The following THAP8 variants were observed in gnomAD, a reference collection of about 807,000 sequenced individuals.
The protein encoded by THAP8 is THAP domain-containing protein 8.
A neutral mutation model predicts 25.0 loss-of-function variants in THAP8; 24 were observed. The observed-to-expected ratio is 0.96, with a 90% confidence interval of 0.69 to 1.35. THAP8 has a LOEUF of 1.35. Ranked by LOEUF, THAP8 falls within the 40% of genes most tolerant of loss-of-function variation. The pLI is 0.00. For missense variants in THAP8, 399 were observed against 368.8 expected (o/e 1.08, Z -0.67); for synonymous variants, 169 against 157.6 (o/e 1.07, Z -0.54).
chr19:36,040,712 T>C (rs1005104518), intron 1 of THAP8, among the ~76,000 whole-genome samples: 1 of 152,060 alleles, frequency 6.6e-6, no homozygotes, highest in Admixed American at 6.6e-5. Flanking sequence ...TGCCCCTCCT[T>C]CCAGCCTCCT....
In THAP8 at chr19:36,054,205, A is replaced by G; in HGVS notation, c.13T>C (p.Cys5Arg). The G allele has an allele frequency of 1.2e-6, 2 of 1,613,740 alleles. No individual in the cohort carries two copies. Among genetic ancestry groups the G allele is most frequent in the Non-Finnish European group, 1.7e-6 (2 of 1,179,868 alleles). Residue 5 changes from cysteine to arginine, a missense_variant, in exon 1 of 4, where the codon TGC (cysteine) becomes CGC (arginine). Cys to Arg is a radical substitution (Grantham distance 180). Coordinates refer to ENST00000292894, the MANE Select transcript of THAP8 (RefSeq NM_152658.3). ...GTGTTGGAGCAGTTCGGCGCCCTGC[A>G]GTACTTGGGCATGGCTATCCAGCCC... Reference protein sequence around the residue: MPKYCRAPNCSNTAG... With the variant: MPKYRRAPNCSNTAG...
Position 36,035,466 on chromosome 19 carries a change from G to A in THAP8, c.799C>T (p.Leu267=), listed in dbSNP as rs757064481. Residue 267 remains leucine, a synonymous_variant, in exon 4 of 4, where the codon CTG becomes TTG. Coordinates refer to ENST00000292894, the MANE Select transcript of THAP8 (RefSeq NM_152658.3). The stretch of plus-strand genomic sequence containing the variant: ...TATGCACTGGGGATCCGAGTGTCCA[G>A]GAGCTCCGGCTTGGCATCCACTGTG... ...PATVDAKPEL[L]DTRIPSA 1.2e-6 allele frequency: 2 copies of A among 1,614,136 alleles called. No individual in the cohort carries two copies. Among genetic ancestry groups the A allele is most frequent in the South Asian group, 2.2e-5 (2 of 91,086 alleles).
At chr19:36,041,183 A>C (rs555568464) in intron 1 of THAP8, among the ~76,000 whole-genome samples, 1 of 151,820 alleles carries the variant, frequency 6.6e-6, no homozygotes, top group South Asian at 2.1e-4. Context: ...ATGGTGGTAC[A>C]TGCCTGTAGT....
chr19:36,038,776 G>A (rs761913967), intron 3 of THAP8, among the ~76,000 whole-genome samples: 2 of 151,946 alleles, frequency 1.3e-5, no homozygotes, highest in African/African-American at 2.4e-5. Context: ...GCTTGAACCT[G>A]GGAGGCAGAG....
chr19:36,053,940 G>T (rs1430058923), intron 1 of THAP8, among the ~76,000 whole-genome samples, 195 bp downstream of exon 1: 1 of 152,038 alleles, frequency 6.6e-6, no homozygotes, highest in Non-Finnish European at 1.5e-5. Context: ...GTAGTCAATC[G>T]TCTACTCCTG....
intron 1 of THAP8, among the ~76,000 whole-genome samples, chr19:36,046,626 C>G (rs1323687858): frequency 6.6e-6 from 1 of 152,200 alleles, no homozygotes; most frequent in Non-Finnish European, 1.5e-5. Flanking sequence ...GTCAGCCTCC[C>G]TCTAAGATCC....
upstream of THAP8, chr19:36,054,603 G>A: frequency 1.8e-6 from 1 of 541,106 alleles, no homozygotes; most frequent in Non-Finnish European, 3.3e-6. Context: ...AACCGTTGGG[G>A]CGCACATAGT....
chr19:36,054,175 C>G lies in THAP8; in HGVS notation c.43G>C (p.Gly15Arg). 6.2e-7 allele frequency: 1 copy of G among 1,613,860 alleles called. No homozygotes were observed. The highest frequency in any genetic ancestry group is 8.5e-7 in the Non-Finnish European group (1 of 1,179,956). ...GGGCGGTTGTCTGCACCCAGGCGGCCCGCAGTGTTGGAGCAGTTCGGCGCC... is the reference window on the plus strand; with the variant it reads ...GGGCGGTTGTCTGCACCCAGGCGGCGCGCAGTGTTGGAGCAGTTCGGCGCC... ...CRAPNCSNTAGRLGADNRPVS... is the reference protein window; with the variant it reads ...CRAPNCSNTARRLGADNRPVS... The change falls in exon 1 of 4, where the codon GGC (glycine) becomes CGC (arginine). Residue 15 changes from glycine to arginine, a missense_variant. Physicochemically the swap from Gly to Arg is moderately radical, Grantham distance 125. Transcript: ENST00000292894.
At chr19:36,038,732 TC>T (rs1171651808) in intron 3 of THAP8, among the ~76,000 whole-genome samples, 1 of 151,736 alleles carries the variant, frequency 6.6e-6, no homozygotes, top group Non-Finnish European at 1.5e-5. Context: ...GCACCTGTAG[TC>T]CCAGCTACTT....
At chr19:36,035,724 A>C in intron 3 of THAP8, 132 bp from the exon 4 acceptor site, 1 of 1,015,806 alleles carries the variant, frequency 9.8e-7, no homozygotes, top group East Asian at 2.5e-5. Flanking sequence ...AGATGTGGGG[A>C]GAGATATGAG....
chr19:36,044,238 G>C lies in THAP8; in HGVS notation c.84-4102C>G, dbSNP rs112815466. On this transcript the variant is annotated intron_variant, in intron 1 of 3. Coordinates refer to ENST00000292894, the MANE Select transcript of THAP8 (RefSeq NM_152658.3). ...GGGGATAGTTTGTTATATAGCATTAGATAACTAAGACACATCTCATGCATA... is the reference window on the plus strand; with the variant it reads ...GGGGATAGTTTGTTATATAGCATTACATAACTAAGACACATCTCATGCATA... 1.3e-3 allele frequency among the ~76,000 whole-genome samples: 197 copies of C among 152,234 alleles called. 1 individual carries two copies. The highest frequency in any genetic ancestry group is 4.6e-3 in the African/African-American group (193 of 41,554).
At chr19:36,045,607 A>C (rs1173400519) in intron 1 of THAP8, 9 of 399,256 alleles carry the variant, frequency 2.3e-5, no homozygotes, top group African/African-American at 6.2e-5. Context: ...TGATTAAGTT[A>C]AGGATCTTGA....
At chr19:36,054,608 C>G (rs889055882), upstream of THAP8, 2 of 542,460 alleles carry the variant, frequency 3.7e-6, no homozygotes, top group Non-Finnish European at 6.6e-6. Context: ...TTGGGGCGCA[C>G]ATAGTTCCTC....
At position 36,035,588 on chromosome 19, in the gene THAP8, G is replaced by C. The variant is rs754514333; in HGVS notation, c.677C>G (p.Thr226Arg). 1 of 1,613,102 alleles carries C rather than the reference G, an allele frequency of 6.2e-7. No individual in the cohort carries two copies. Among genetic ancestry groups the C allele is most frequent in the Non-Finnish European group, 8.5e-7 (1 of 1,179,444 alleles). Reference sequence around the variant, plus strand: ...TTCCTCAGGTCCAAGGGTCTGGGCTGTTGTCTAAGGCAAAGAAGTGGTAGA... The same window carrying C: ...TTCCTCAGGTCCAAGGGTCTGGGCTCTTGTCTAAGGCAAAGAAGTGGTAGA... ...RARRGLQRLT[T>R]AQTLGPEESQ... Residue 226 changes from threonine (T) to arginine (R), a missense_variant, in exon 4 of 4, where the codon ACA becomes AGA. By Grantham distance (71) the Thr-to-Arg change is moderately conservative (BLOSUM62 -1). Transcript: ENST00000292894.
At chr19:36,040,907 ACAT>A (rs1172425065) in intron 1 of THAP8, among the ~76,000 whole-genome samples, 11 of 152,288 alleles carry the variant, frequency 7.2e-5, no homozygotes, top group African/African-American at 2.2e-4. Context: ...GATTTAAGAA[ACAT>A]CAGCACAAAC....
At position 36,054,234 on chromosome 19, in the gene THAP8, C is replaced by G; in HGVS notation, c.-17G>C. 6.2e-7 allele frequency: 1 copy of G among 1,611,634 alleles called. No homozygotes were observed. Among genetic ancestry groups the G allele is most frequent in the Non-Finnish European group, 8.5e-7 (1 of 1,178,970 alleles). ...CTTGGGCATGGCTATCCAGCCCCCG[C>G]TGAGTTTTGCCGGGTCAGCGGCTGC... On this transcript the variant is annotated 5_prime_UTR_variant, in exon 1 of 4. Transcript: ENST00000292894.
chr19:36,041,674 G>A, intron 1 of THAP8, among the ~76,000 whole-genome samples: 1 of 152,134 alleles, frequency 6.6e-6, no homozygotes, highest in Non-Finnish European at 1.5e-5. Flanking sequence ...ACATACAAAT[G>A]GCCAATAAGC....
chr19:36,045,353 C>A (rs1219296406), intron 1 of THAP8, among the ~76,000 whole-genome samples: 1 of 151,282 alleles, frequency 6.6e-6, no homozygotes, highest in African/African-American at 2.4e-5. Flanking sequence ...CCTGCAGCAT[C>A]AAACTCCCCA....
rs191334355 is a variant in THAP8, at chr19:36,038,486, C to T, written c.672+837G>A. Among the ~76,000 whole-genome samples the T allele has an allele frequency of 1.1e-3, 164 of 152,250 alleles. 2 individuals carry two copies. Among genetic ancestry groups the T allele is most frequent in the Middle Eastern group, 0.01 (3 of 292 alleles). On this transcript the variant is annotated intron_variant, in intron 3 of 3. Transcript: ENST00000292894. ...CAGGCTGGTCTTGAACTCCTAGGTT[C>T]AAGCGATCTGCCCACCTTGGCCTCC...
Sources: allele counts gnomAD v4.1 joint callset (sites outside exome capture counted in the v4.1 genomes callset), GRCh38; gene constraint gnomAD v4.1.1; transcripts MANE v1.5; gene names NCBI Gene and HGNC (gene_info 2026-07-23, HGNC 2026-07-21).